The following SDR9C7 variants were observed in gnomAD, a reference collection of about 807,000 sequenced individuals.
The protein encoded by SDR9C7 is short-chain dehydrogenase/reductase family 9C member 7.
In SDR9C7, 11 loss-of-function variants were observed where a neutral mutation model predicts 23.6. The observed-to-expected ratio is 0.47, with a 90% CI of 0.29 to 0.77. The LOEUF is 0.77. Among genes scored for constraint, SDR9C7 ranks in the 30% least tolerant of loss-of-function variants. SDR9C7 has a pLI of 0.09. For synonymous variants in SDR9C7, 167 were observed against 157.3 expected, an observed-to-expected ratio of 1.06 and a Z score of -0.46; for missense variants, 387 against 407.1, an observed-to-expected ratio of 0.95 and a Z score of 0.42.
chr12:56,926,383 C>T (rs1330665874), intron 3 of SDR9C7, among the ~76,000 whole-genome samples: 2 of 152,158 alleles, frequency 1.3e-5, no homozygotes, highest in East Asian at 3.9e-4. Flanking sequence ...TTATCCTTCC[C>T]ACGGTGACAC....
intron 3 of SDR9C7, 119 bp from the exon 4 acceptor site, chr12:56,924,169 C>T (rs982150851): frequency 2.0e-5 from 13 of 655,820 alleles, no homozygotes; most frequent in South Asian, 1.9e-4. Flanking sequence ...CAGGCAGGTC[C>T]GCCACACCCT....
In SDR9C7 at chr12:56,930,372, G is replaced by A. The variant is rs751586470; in HGVS notation, c.414C>T (p.Ile138=). 1.9e-5 allele frequency: 30 copies of A among 1,613,946 alleles called. No homozygotes were observed. The highest frequency in any genetic ancestry group is 3.3e-5 in the Admixed American group (2 of 60,004). The stretch of plus-strand genomic sequence containing the variant: ...TGGGCAGCATGTGAAGGGTCACTTC[G>A]ATCAGTCCCACCAGGTTCACATTAA... ...KVINVNLVGL[I]EVTLHMLPMV... is the part of the protein sequence containing the mutation. Residue 138 remains isoleucine, a synonymous_variant, in exon 2 of 4, where the codon ATC becomes ATT. Transcript: ENST00000293502.
intron 1 of SDR9C7, among the ~76,000 whole-genome samples, chr12:56,932,067 A>G (rs1292680198): frequency 6.6e-6 from 1 of 152,230 alleles, no homozygotes; most frequent in African/African-American, 2.4e-5. Flanking sequence ...AGGCAAAATA[A>G]TGGTCCCCCA....
In SDR9C7 at chr12:56,934,012, C is replaced by T. The variant is rs754632093; in HGVS notation, c.250G>A (p.Glu84Lys). 4.9e-5 allele frequency: 79 copies of T among 1,613,360 alleles called. No individual in the cohort carries two copies. Among genetic ancestry groups the T allele is most frequent in the Middle Eastern group, 1.6e-4 (1 of 6,084 alleles). The change falls in exon 1 of 4, where the codon GAA (glutamate) becomes AAA (lysine). Residue 84 changes from glutamate to lysine, a missense_variant. Physicochemically the swap from Glu to Lys is moderately conservative, Grantham distance 56 (BLOSUM62 1). Coordinates refer to ENST00000293502, the MANE Select transcript of SDR9C7 (RefSeq NM_148897.3). ...QTTLLDVTKSESIKAAAQWVR... is the reference protein window; with the variant it reads ...QTTLLDVTKSKSIKAAAQWVR... ...CACTGGGCCGCCGCCTTGATGCTTT[C>T]GCTCTTGGTGACATCCAGTAGGGTG...
chr12:56,927,863 G>A (rs1212532405), intron 3 of SDR9C7, among the ~76,000 whole-genome samples: 1 of 152,196 alleles, frequency 6.6e-6, no homozygotes, highest in East Asian at 1.9e-4. Flanking sequence ...GGTTGTACCT[G>A]AAGCTTATCT....
intron 3 of SDR9C7, among the ~76,000 whole-genome samples, chr12:56,928,641 A>G (rs1192562946): frequency 6.6e-6 from 1 of 152,186 alleles, no homozygotes; most frequent in Non-Finnish European, 1.5e-5. Context: ...AAAAACAAAA[A>G]TGCAATAAAG....
At chr12:56,933,663 C>T (rs570034988) in intron 1 of SDR9C7, among the ~76,000 whole-genome samples, 11 of 152,346 alleles carry the variant, frequency 7.2e-5, no homozygotes, top group East Asian at 1.9e-4. Context: ...CAGCCAGGCA[C>T]GTCCATTTTT....
intron 1 of SDR9C7, among the ~76,000 whole-genome samples, chr12:56,931,684 A>C (rs1955769912): frequency 6.6e-6 from 1 of 152,042 alleles, no homozygotes. Flanking sequence ...CTCTCCTTTC[A>C]TTTGTTTTAC....
chr12:56,926,638 G>A (rs1047348620), intron 3 of SDR9C7, among the ~76,000 whole-genome samples: 4 of 152,216 alleles, frequency 2.6e-5, no homozygotes, highest in African/African-American at 9.7e-5. Flanking sequence ...ATCCATGAGA[G>A]AGGAATTGTA....
intron 1 of SDR9C7, among the ~76,000 whole-genome samples, chr12:56,932,526 T>G (rs1035864163): frequency 5.3e-5 from 8 of 152,214 alleles, no homozygotes; most frequent in Admixed American, 3.9e-4. Flanking sequence ...GTTTGTATTG[T>G]CTTCAGACCC....
intron 3 of SDR9C7, among the ~76,000 whole-genome samples, chr12:56,926,630 C>A (rs1236360981): frequency 6.6e-6 from 1 of 152,162 alleles, no homozygotes; most frequent in Non-Finnish European, 1.5e-5. Flanking sequence ...TCCTAACAAT[C>A]CATGAGAGAG....
chr12:56,929,641 C>T, intron 2 of SDR9C7, 88 bp from the exon 3 acceptor site: 2 of 1,448,894 alleles, frequency 1.4e-6, no homozygotes, highest in Non-Finnish European at 9.5e-7. Context: ...CTTTCAGGAA[C>T]CTAGAGATGC....
Position 56,923,673 on chromosome 12 carries a change from T to C in SDR9C7, c.*160A>G, listed in dbSNP as rs143024607. 6.3e-4 allele frequency: 379 copies of C among 600,850 alleles called. 2 individuals carry two copies. Among genetic ancestry groups the C allele is most frequent in the African/African-American group, 4.9e-3 (265 of 53,984 alleles). 37.2% of individuals were successfully genotyped at this position (600,850 alleles called of 1,614,324 possible). ...GGTGGGAAGAGGCATTCACCTTCTG[T>C]TAGAAGTTACTGGTAAATTCGACAG... is the stretch of plus-strand genomic sequence containing the variant. On this transcript the variant is annotated 3_prime_UTR_variant, in exon 4 of 4. Transcript: ENST00000293502.
intron 1 of SDR9C7, among the ~76,000 whole-genome samples, chr12:56,930,939 A>G (rs1955765007): frequency 6.6e-6 from 1 of 152,174 alleles, no homozygotes. Context: ...TGACAATTAC[A>G]GGGTGAAGGA....
chr12:56,930,592 G>C lies in SDR9C7; in HGVS notation c.302-108C>G. ...CAAGGATGGTTGAGCAGGTGCACAA[G>C]ACATAACTCGGTCAGGCTATAACAT... On this transcript the variant is annotated intron_variant, in intron 1 of 3. Coordinates refer to ENST00000293502, the MANE Select transcript of SDR9C7 (RefSeq NM_148897.3). The C allele has an allele frequency of 3.2e-6, 4 of 1,239,564 alleles. No individual in the cohort carries two copies. The South Asian group carries it at 5.8e-5, about 18-fold the overall frequency. 76.8% of individuals were successfully genotyped at this position (1,239,564 alleles called of 1,614,324 possible). A position where few individuals can be genotyped will look rare whatever the true frequency, so the allele number is the denominator to read the frequency against.
chr12:56,928,540 ACTG>A (rs1955748626), intron 3 of SDR9C7, among the ~76,000 whole-genome samples: 1 of 152,346 alleles, frequency 6.6e-6, no homozygotes, highest in Admixed American at 6.5e-5. Context: ...GGGCAGGCAT[ACTG>A]CTGTGTCCGC....
rs1396742285 is a variant in SDR9C7 at position 56,929,421 on chromosome 12, C to T, written c.693G>A (p.Arg231=). 6.2e-7 allele frequency: 1 copy of T among 1,612,472 alleles called. No individual in the cohort carries two copies. The highest frequency in any genetic ancestry group is 1.7e-5 in the Admixed American group (1 of 59,996). Residue 231 remains arginine (R), a synonymous_variant, in exon 3 of 4, where the codon CGG becomes CGA. Coordinates refer to ENST00000293502, the MANE Select transcript of SDR9C7 (RefSeq NM_148897.3). ...KLWERLPQET[R]DSYGEDYFRI... is the part of the protein sequence containing the mutation. Reference sequence around the variant, plus strand: ...GGAAATAATCCTCTCCGTAGCTGTCCCGGGTCTCCTGAGGCAGCCTCTCCC... The same window carrying T: ...GGAAATAATCCTCTCCGTAGCTGTCTCGGGTCTCCTGAGGCAGCCTCTCCC...
chr12:56,932,463 A>G (rs1396610773), intron 1 of SDR9C7, among the ~76,000 whole-genome samples: 2 of 152,218 alleles, frequency 1.3e-5, no homozygotes, highest in Non-Finnish European at 2.9e-5. Context: ...CTTTGATTTT[A>G]GATCAGTGAG....
intron 3 of SDR9C7, among the ~76,000 whole-genome samples, chr12:56,927,164 T>G (rs1400295443): frequency 6.6e-6 from 1 of 152,252 alleles, no homozygotes; most frequent in African/African-American, 2.4e-5. Context: ...AGATATTTTA[T>G]AAACCCAATC....
Sources: allele counts gnomAD v4.1 joint callset (sites outside exome capture counted in the v4.1 genomes callset), GRCh38; gene constraint gnomAD v4.1.1; transcripts MANE v1.5; gene names NCBI Gene and HGNC (gene_info 2026-07-23, HGNC 2026-07-21).